Variants in PHACTR2 observed in about 807,000 individuals in gnomAD.
The protein encoded by PHACTR2 is phosphatase and actin regulator 2.
Under a neutral mutation model 76.0 loss-of-function variants are expected in PHACTR2, and 30 were observed. The observed-to-expected ratio is 0.39, with a 90% CI of 0.30 to 0.54. The LOEUF (loss-of-function observed/expected upper bound fraction) is 0.54. PHACTR2 is among the 20% of genes least tolerant of loss of function. The pLI, the probability that PHACTR2 is intolerant of heterozygous loss-of-function variation, is 0.61. For synonymous variants in PHACTR2, 292 were observed against 292.5 expected (o/e 1.00, Z 0.02); for missense variants, 696 against 781.1 (o/e 0.89, Z 1.30).
chr6:143,628,160 T>C (rs188275208), intron 1 of PHACTR2, among the ~76,000 whole-genome samples: 12 of 152,366 alleles, frequency 7.9e-5, no homozygotes, highest in African/African-American at 2.9e-4. Context: ...TTCCATTCTA[T>C]GGATGTACCA....
rs944504066 is a variant in PHACTR2 at position 143,820,428 on chromosome 6, T to G, written c.1923-3246T>G. Reference sequence around the variant, plus strand: ...GGTGGAGATCTATACTGGGTAAACATTCCCGTTCCCAAAGGGAGAAATCAG... The same window carrying G: ...GGTGGAGATCTATACTGGGTAAACAGTCCCGTTCCCAAAGGGAGAAATCAG... On this transcript the variant is annotated intron_variant, in intron 12 of 12. Transcript: ENST00000440869. The surrounding 1 kb of genome is among the most constrained non-coding windows in gnomAD (Gnocchi z 4.2). Among the ~76,000 whole-genome samples, 1 of 152,178 alleles carries G rather than the reference T, an allele frequency of 6.6e-6. No homozygotes were observed. The highest frequency in any genetic ancestry group is 1.5e-5 in the Non-Finnish European group (1 of 68,030).
intron 4 of PHACTR2, among the ~76,000 whole-genome samples, chr6:143,758,725 G>C (rs1779363010): frequency 1.3e-5 from 2 of 152,194 alleles, no homozygotes; most frequent in Admixed American, 1.3e-4. Context: ...AGATAGAAGG[G>C]TCAACTTGGG....
Position 143,611,418 on chromosome 6 carries a change from A to G in PHACTR2, c.13+3096A>G, listed in dbSNP as rs1417578622. Among the ~76,000 whole-genome samples, 2 of 152,194 alleles carry G rather than the reference A, an allele frequency of 1.3e-5. No individual in the cohort carries two copies. The highest frequency in any genetic ancestry group is 4.8e-5 in the African/African-American group (2 of 41,432). On this transcript the variant is annotated intron_variant, in intron 1 of 11. Transcript: ENST00000305766. This position sits in a 1 kb window ranked among gnomAD's most constrained non-coding sequence, Gnocchi z 4.4. ...AGACTCGAGAGTTATTTGGAGCCAG[A>G]CTGAGGAAGGGTTTGGAGTGGAGTA...
chr6:143,624,326 C>T lies in PHACTR2; in HGVS notation c.13+16004C>T, dbSNP rs1183869935. 1.3e-5 allele frequency among the ~76,000 whole-genome samples: 2 copies of T among 152,190 alleles called. No individual in the cohort carries two copies. Among genetic ancestry groups the T allele is most frequent in the East Asian group, 1.9e-4 (1 of 5,174 alleles). On this transcript the variant is annotated intron_variant, in intron 1 of 11. Coordinates refer to the PHACTR2 transcript ENST00000305766. The surrounding 1 kb of genome is among the most constrained non-coding windows in gnomAD (Gnocchi z 4.6). ...TTCCCCCTGTTGGCCAGGCTGGTCT[C>T]GAACTCCTGACCTCAGGTGATCCAC...
chr6:143,765,211 A>T lies in PHACTR2; in HGVS notation c.695-50A>T. The T allele has an allele frequency of 7.0e-7, 1 of 1,434,008 alleles. No homozygotes were observed. Among genetic ancestry groups the T allele is most frequent in the South Asian group, 1.3e-5 (1 of 77,728 alleles). The allele number at this position is 1,434,008 out of a possible 1,614,324, so 88.8% of individuals were successfully genotyped here. ...AGTTACACCTTGGTTACTTTATTTT[A>T]AAAAGCATTGTATTCTTTGATTTTT... On this transcript the variant is annotated intron_variant, in intron 5 of 12. Coordinates refer to ENST00000440869, the MANE Select transcript of PHACTR2 (RefSeq NM_001100164.2). This position sits in a 1 kb window ranked among gnomAD's most constrained non-coding sequence, Gnocchi z 4.1.
Position 143,772,392 on chromosome 6 carries a change from C to T in PHACTR2, c.1367C>T (p.Ser456Leu), listed in dbSNP as rs558921886. 17 of 1,613,936 alleles carry T rather than the reference C, an allele frequency of 1.1e-5. No individual in the cohort carries two copies. Among genetic ancestry groups the T allele is most frequent in the South Asian group, 7.7e-5 (7 of 91,062 alleles). Reference protein sequence around the residue: ...HREYQANDSDSDGPILYTDDE... With the variant: ...HREYQANDSDLDGPILYTDDE... ...GAATACCAAGCCAATGACTCTGACT[C>T]GGACGGGCCTATCTTGTACACCGAT... Residue 456 changes from serine to leucine, a missense_variant, in exon 7 of 13, where the codon TCG becomes TTG. Ser to Leu is a moderately radical substitution (Grantham distance 145). Around this residue, in one of 2 missense-constraint regions of PHACTR2, gnomAD observed 236 missense variants for 330.2 expected, o/e 0.71. Transcript: ENST00000440869. The surrounding 1 kb of genome is among the most constrained non-coding windows in gnomAD (Gnocchi z 5.4).
rs538388507 is a variant in PHACTR2, at chr6:143,547,035, TA to T, written c.217+9840del. Among the ~76,000 whole-genome samples, 241 of 142,390 alleles carry T rather than the reference TA, an allele frequency of 1.7e-3. No homozygotes were observed. The highest frequency in any genetic ancestry group is 3.6e-3 in the Middle Eastern group (1 of 278). 93.4% of individuals were successfully genotyped at this position (142,390 alleles called of 152,430 possible). A position where few individuals can be genotyped will look rare whatever the true frequency, so the allele number is the denominator to read the frequency against. On this transcript the variant is annotated intron_variant, in intron 1 of 11. Coordinates refer to the PHACTR2 transcript ENST00000367584. This position sits in a 1 kb window ranked among gnomAD's most constrained non-coding sequence, Gnocchi z 4.2. ...CTGGGTAACAAAGTGTGACCCCATC[TA>T]AAAAAAAAAAAGAATATGGCTTATG...
chr6:143,651,864 A>G (rs2128446313), intron 1 of PHACTR2, among the ~76,000 whole-genome samples: 1 of 150,910 alleles, frequency 6.6e-6, no homozygotes, highest in East Asian at 1.9e-4. Flanking sequence ...AAAAAAATAT[A>G]TAATATATAT....
Position 143,570,600 on chromosome 6 carries a change from C to T in PHACTR2, c.217+33393C>T, listed in dbSNP as rs1035679358. Reference sequence around the variant, plus strand: ...TGATGAGGTGACTGGCAACTCACCCCAGGTGTGGCAGGCCCCTCCCCACTC... The same window carrying T: ...TGATGAGGTGACTGGCAACTCACCCTAGGTGTGGCAGGCCCCTCCCCACTC... On this transcript the variant is annotated intron_variant, in intron 1 of 11. Transcript: ENST00000367584. The surrounding 1 kb of genome is among the most constrained non-coding windows in gnomAD (Gnocchi z 4.6). 1.3e-5 allele frequency among the ~76,000 whole-genome samples: 2 copies of T among 152,136 alleles called. No homozygotes were observed. The highest frequency in any genetic ancestry group is 4.8e-5 in the African/African-American group (2 of 41,412).
chr6:143,825,676 GT>G lies in PHACTR2; in HGVS notation c.*1988del, dbSNP rs1776517435. 1 of 151,360 alleles carries G rather than the reference GT, an allele frequency of 6.6e-6. No homozygotes were observed. Among genetic ancestry groups the G allele is most frequent in the Non-Finnish European group, 1.5e-5 (1 of 67,900 alleles). 9.4% of individuals were successfully genotyped at this position (151,360 alleles called of 1,614,324 possible). A position where few individuals can be genotyped will look rare whatever the true frequency, so the allele number is the denominator to read the frequency against. On this transcript the variant is annotated 3_prime_UTR_variant, in exon 13 of 13. Coordinates refer to ENST00000440869, the MANE Select transcript of PHACTR2 (RefSeq NM_001100164.2). This position sits in a 1 kb window ranked among gnomAD's most constrained non-coding sequence, Gnocchi z 4.1. ...TATATTTTTATTTTATTATTTTAGT[GT>G]CTTGAGAAAAATACCAAGAGATATA...
Position 143,806,281 on chromosome 6 carries a change from A to G in PHACTR2, c.1846-776A>G, listed in dbSNP as rs2128483585. 6.6e-6 allele frequency among the ~76,000 whole-genome samples: 1 copy of G among 152,332 alleles called. No homozygotes were observed. Among genetic ancestry groups the G allele is most frequent in the Non-Finnish European group, 1.5e-5 (1 of 68,030 alleles). On this transcript the variant is annotated intron_variant, in intron 11 of 12. Transcript: ENST00000440869. This position sits in a 1 kb window ranked among gnomAD's most constrained non-coding sequence, Gnocchi z 5.8. ...TGTTCTTTAAATAGCAATGCATTCT[A>G]TTTGATATTTTCTTTGGGTAGCTTT...
rs1777827894 is a variant in PHACTR2 at position 143,698,632 on chromosome 6, G to C, written c.47-13384G>C. Among the ~76,000 whole-genome samples the C allele has an allele frequency of 6.6e-6, 1 of 152,194 alleles. No homozygotes were observed. Among genetic ancestry groups the C allele is most frequent in the Admixed American group, 6.5e-5 (1 of 15,282 alleles). On this transcript the variant is annotated intron_variant, in intron 1 of 12. Transcript: ENST00000440869. This position sits in a 1 kb window ranked among gnomAD's most constrained non-coding sequence, Gnocchi z 4.3. ...GGAACTAATGCCACAGTACCACCGTGTGAGCCTCTGGGGTCCCCCACATTT... is the reference window on the plus strand; with the variant it reads ...GGAACTAATGCCACAGTACCACCGTCTGAGCCTCTGGGGTCCCCCACATTT...
At chr6:143,788,475 A>G (rs1350602111) in intron 10 of PHACTR2, among the ~76,000 whole-genome samples, 3 of 152,176 alleles carry the variant, frequency 2.0e-5, no homozygotes, top group African/African-American at 7.2e-5. Flanking sequence ...TCCTTGCGTC[A>G]GGGATGATAG....
intron 1 of PHACTR2, among the ~76,000 whole-genome samples, chr6:143,573,075 G>T (rs139778669): frequency 8.7e-4 from 133 of 152,122 alleles, no homozygotes; most frequent in African/African-American, 3.1e-3. Flanking sequence ...CCCTTCACTG[G>T]GTATATGTAT....
intron 9 of PHACTR2, among the ~76,000 whole-genome samples, chr6:143,781,248 T>C (rs1205353400): frequency 1.3e-5 from 2 of 152,252 alleles, no homozygotes; most frequent in Non-Finnish European, 2.9e-5. Context: ...ATGTCAAAAA[T>C]GAATTCAATT....
At chr6:143,810,461 G>A (rs1024616532) in intron 12 of PHACTR2, 3 of 359,372 alleles carry the variant, frequency 8.3e-6, no homozygotes, top group South Asian at 2.2e-5. Context: ...TCATGTGGTC[G>A]AGAGGTTTAT....
intron 12 of PHACTR2, among the ~76,000 whole-genome samples, chr6:143,813,760 TAAG>T (rs1776235632): frequency 1.3e-5 from 2 of 152,178 alleles, no homozygotes; most frequent in Admixed American, 6.5e-5. Flanking sequence ...TTCTTAATGG[TAAG>T]AAGTTTTTCT....
intron 11 of PHACTR2, among the ~76,000 whole-genome samples, chr6:143,797,368 C>T: frequency 6.6e-6 from 1 of 152,314 alleles, no homozygotes; most frequent in African/African-American, 2.4e-5. Context: ...GTTGCCTGTT[C>T]ACTCTGGTGA....
At chr6:143,594,014 A>G (rs530489105) in intron 1 of PHACTR2, among the ~76,000 whole-genome samples, 1 of 152,366 alleles carries the variant, frequency 6.6e-6, no homozygotes, top group Non-Finnish European at 1.5e-5. Context: ...TTGCAGATCG[A>G]GCATCCCTAA....
Sources: allele counts gnomAD v4.1 joint callset (sites outside exome capture counted in the v4.1 genomes callset), GRCh38; gene constraint gnomAD v4.1.1; regional missense constraint gnomAD v4.1.1; non-coding constraint Gnocchi (gnomAD v3.1); transcripts MANE v1.5; gene names NCBI Gene and HGNC (gene_info 2026-07-23, HGNC 2026-07-21).